URI1: variants seen among roughly 807,000 people sequenced by gnomAD.
The protein encoded by URI1 is unconventional prefoldin RPB5 interactor 1.
Under a neutral mutation model 60.2 loss-of-function variants are expected in URI1, and 39 were observed. That is an observed-to-expected ratio of 0.65 (90% CI 0.50 to 0.85). The LOEUF (loss-of-function observed/expected upper bound fraction) is 0.85, where lower values mean the gene tolerates loss of function less well. Ranked by LOEUF, URI1 falls within the 40% of genes least tolerant of loss-of-function variation. The probability of loss-of-function intolerance (pLI) is 0.00; values close to 1 mark genes in which losing one functional copy is unlikely to be tolerated. For missense variants in URI1, 691 were observed against 665.9 expected (o/e 1.04, Z -0.42); for synonymous variants, 251 against 236.8 (o/e 1.06, Z -0.55).
intron 1 of URI1, among the ~76,000 whole-genome samples, chr19:29,970,217 G>A (rs1772885807): frequency 1.4e-5 from 2 of 143,832 alleles, no homozygotes; most frequent in Non-Finnish European, 1.5e-5. Flanking sequence ...ATTTAGAGCA[G>A]TGAACTAGAG....
chr19:29,932,616 C>T (rs1277507553), intron 1 of URI1, among the ~76,000 whole-genome samples: 16 of 149,606 alleles, frequency 1.1e-4, no homozygotes, highest in African/African-American at 3.9e-4. Context: ...CGTGCCAGGC[C>T]CATTTGAGAT....
intron 1 of URI1, among the ~76,000 whole-genome samples, chr19:29,960,817 T>G (rs2055313421): frequency 6.6e-6 from 1 of 152,138 alleles, no homozygotes. Context: ...TATTTTTTAT[T>G]CAAAAAATTG....
chr19:29,985,724 C>T (rs935549309), intron 3 of URI1, among the ~76,000 whole-genome samples: 16 of 152,048 alleles, frequency 1.1e-4, no homozygotes, highest in East Asian at 1.9e-4. Context: ...ATCTTCACAT[C>T]GACATAGTGA....
chr19:29,956,480 C>G, intron 1 of URI1: 1 of 1,590,570 alleles, frequency 6.3e-7, no homozygotes, highest in African/African-American at 1.3e-5. Flanking sequence ...TTCCTGATAT[C>G]CTTGTTTTTA....
At chr19:29,995,610 G>A (rs2055802091) in intron 4 of URI1, among the ~76,000 whole-genome samples, 3 of 148,796 alleles carry the variant, frequency 2.0e-5, no homozygotes. Flanking sequence ...AATGTTGTTT[G>A]ATGCACAAAA....
chr19:29,988,461 C>G (rs1429311802), intron 4 of URI1, among the ~76,000 whole-genome samples: 1 of 152,196 alleles, frequency 6.6e-6, no homozygotes, highest in Non-Finnish European at 1.5e-5. Context: ...CAGCTCCTAT[C>G]AAAACCTCCC....
At chr19:29,924,942 TCTC>T (rs1365166424) in intron 1 of URI1, among the ~76,000 whole-genome samples, 2 of 152,218 alleles carry the variant, frequency 1.3e-5, no homozygotes, top group Non-Finnish European at 2.9e-5. Context: ...TTCAAGTGGT[TCTC>T]CTGCCTCAGC....
chr19:29,986,168 A>G, intron 3 of URI1, 114 bp from the exon 4 acceptor site: 2 of 1,033,194 alleles, frequency 1.9e-6, no homozygotes, highest in Middle Eastern at 6.4e-4. Context: ...TATTTTTCCC[A>G]ATGTATAAAT....
chr19:29,949,001 C>T (rs1432699348), intron 1 of URI1, among the ~76,000 whole-genome samples: 6 of 130,072 alleles, frequency 4.6e-5, no homozygotes, highest in African/African-American at 1.2e-4. Context: ...GCTGGCCAGG[C>T]GGGGGCTGCC....
intron 1 of URI1, among the ~76,000 whole-genome samples, chr19:29,969,755 G>A (rs1469281896): frequency 6.6e-6 from 1 of 152,142 alleles, no homozygotes; most frequent in Admixed American, 6.5e-5. Context: ...GATTTCATGA[G>A]CATTTTTTTC....
chr19:29,931,927 T>TGTGTGC (rs1329551666), intron 1 of URI1, among the ~76,000 whole-genome samples: 6 of 151,564 alleles, frequency 4.0e-5, no homozygotes, highest in Non-Finnish European at 8.8e-5. Context: ...TGTGTGTGTG[T>TGTGTGC]GTGTGTGTGT....
At chr19:29,929,062 C>A (rs1299768683) in intron 1 of URI1, among the ~76,000 whole-genome samples, 1 of 152,078 alleles carries the variant, frequency 6.6e-6, no homozygotes, top group Admixed American at 6.6e-5. Context: ...ATACTGAAAC[C>A]GTGTTCTTGC....
chr19:29,990,528 TGTC>T (rs1432401817), intron 4 of URI1, among the ~76,000 whole-genome samples: 1 of 152,226 alleles, frequency 6.6e-6, no homozygotes, highest in Non-Finnish European at 1.5e-5. Flanking sequence ...GGTGAATAAG[TGTC>T]GTACATCCAT....
chr19:29,948,747 CACAG>C (rs910739112), intron 1 of URI1, among the ~76,000 whole-genome samples: 5 of 152,226 alleles, frequency 3.3e-5, no homozygotes, highest in African/African-American at 9.6e-5. Flanking sequence ...CTTCTTTCCA[CACAG>C]ACAGCAACAA....
chr19:29,974,971 C>T (rs950605868), intron 2 of URI1, among the ~76,000 whole-genome samples: 5 of 152,084 alleles, frequency 3.3e-5, no homozygotes, highest in African/African-American at 1.2e-4. Context: ...TTTTTGTTAT[C>T]CAGTTCACTG....
intron 1 of URI1, among the ~76,000 whole-genome samples, chr19:29,969,566 G>A (rs908308135): frequency 6.6e-6 from 1 of 152,114 alleles, no homozygotes; most frequent in Non-Finnish European, 1.5e-5. Context: ...ATGCAGCTAC[G>A]AAAGGATTAT....
chr19:29,959,015 A>G (rs182211827), intron 1 of URI1, among the ~76,000 whole-genome samples: 125 of 152,192 alleles, frequency 8.2e-4, no homozygotes, highest in African/African-American at 2.7e-3. Flanking sequence ...CTTTTCTTGT[A>G]ATGTCGACGT....
At chr19:29,940,134 C>T (rs1307765671), upstream of URI1, among the ~76,000 whole-genome samples, 2 of 152,158 alleles carry the variant, frequency 1.3e-5, no homozygotes, top group Non-Finnish European at 2.9e-5. Flanking sequence ...GTGATGCAGA[C>T]TCCAGAGCTG....
chr19:29,958,452 A>G (rs777957536), intron 1 of URI1, among the ~76,000 whole-genome samples: 9 of 152,110 alleles, frequency 5.9e-5, no homozygotes, highest in Admixed American at 3.3e-4. Context: ...TGTATTTTCT[A>G]TGTTTCTTGA....
Sources: allele counts gnomAD v4.1 joint callset (sites outside exome capture counted in the v4.1 genomes callset), GRCh38; gene constraint gnomAD v4.1.1; transcripts MANE v1.5; gene names NCBI Gene and HGNC (gene_info 2026-07-23, HGNC 2026-07-21).